TBC1D15: variants seen among roughly 807,000 people sequenced by gnomAD.
The protein encoded by TBC1D15 is GAP for RAB7.
TBC1D15 carries 39 observed loss-of-function variants against 95.4 expected under a neutral mutation model. That is an observed-to-expected ratio of 0.41 (90% CI 0.32 to 0.53). The LOEUF (loss-of-function observed/expected upper bound fraction) is 0.53, where lower values mean the gene tolerates loss of function less well. TBC1D15 is among the 20% of genes least tolerant of loss of function. TBC1D15 has a pLI of 0.29. For missense variants in TBC1D15, 733 were observed against 794.3 expected, an observed-to-expected ratio of 0.92 and a Z score of 0.93; for synonymous variants, 258 against 261.3, an observed-to-expected ratio of 0.99 and a Z score of 0.12.
intron 11 of TBC1D15, chr12:71,907,882 A>G (rs1240082454): frequency 6.6e-6 from 1 of 152,246 alleles, no homozygotes; most frequent in Non-Finnish European, 1.5e-5. Context: ...GTAAGAACTG[A>G]TGCCGGGGCT....
At chr12:71,886,267 C>T (rs561592327) in intron 5 of TBC1D15, among the ~76,000 whole-genome samples, 124 of 152,264 alleles carry the variant, frequency 8.1e-4, no homozygotes, top group Middle Eastern at 3.4e-3. Flanking sequence ...CTCGTGGGTT[C>T]AGACAGTTCT....
In TBC1D15 at chr12:71,907,066, G is replaced by A. The variant is rs1467601672; in HGVS notation, c.1228G>A (p.Gly410Ser). The change falls in exon 11 of 17, where the codon GGC becomes AGC. Residue 410 changes from glycine (G) to serine (S), a missense_variant. Transcript: ENST00000485960. ...RTDRTNKFYE[G>S]QDNPGLILLH... ...AGATCGAACAAACAAGTTTTATGAA[G>A]GCCAAGATAATCCAGGGTTGATTTT... 1.2e-6 allele frequency: 2 copies of A among 1,612,168 alleles called. No homozygotes were observed. The highest frequency in any genetic ancestry group is 2.2e-5 in the East Asian group (1 of 44,724).
chr12:71,909,363 G>T (rs1358635384), intron 11 of TBC1D15, among the ~76,000 whole-genome samples: 18 of 152,150 alleles, frequency 1.2e-4, no homozygotes, highest in Admixed American at 9.8e-4. Context: ...CATAGGTGAG[G>T]TATAGGTGTA....
intron 5 of TBC1D15, among the ~76,000 whole-genome samples, chr12:71,891,940 G>C (rs1897264352): frequency 6.6e-6 from 1 of 151,986 alleles, no homozygotes; most frequent in Non-Finnish European, 1.5e-5. Context: ...GAAATAATTT[G>C]ACTTAATTTA....
chr12:71,889,114 T>G (rs759389272), intron 5 of TBC1D15, among the ~76,000 whole-genome samples: 1 of 152,132 alleles, frequency 6.6e-6, no homozygotes, highest in Non-Finnish European at 1.5e-5. Flanking sequence ...TTGGAGGAGA[T>G]GTGAGCCTAA....
At chr12:71,889,301 C>T (rs1896818501) in intron 5 of TBC1D15, among the ~76,000 whole-genome samples, 1 of 152,116 alleles carries the variant, frequency 6.6e-6, no homozygotes, top group South Asian at 2.1e-4. Context: ...TAATATCAGC[C>T]ACTGCTTTGT....
chr12:71,874,366 T>A (rs766301228), intron 3 of TBC1D15, among the ~76,000 whole-genome samples: 1 of 152,212 alleles, frequency 6.6e-6, no homozygotes, highest in African/African-American at 2.4e-5. Context: ...TTCATGGGAT[T>A]ATTGGCCATG....
chr12:71,861,671 T>G (rs1890401330), intron 1 of TBC1D15, among the ~76,000 whole-genome samples: 1 of 152,050 alleles, frequency 6.6e-6, no homozygotes, highest in African/African-American at 2.4e-5. Context: ...TAAATTTTTT[T>G]TTTGTCTCAA....
chr12:71,905,498 G>A (rs1009476917), intron 10 of TBC1D15, among the ~76,000 whole-genome samples: 2 of 151,950 alleles, frequency 1.3e-5, no homozygotes, highest in African/African-American at 4.8e-5. Flanking sequence ...GGTAATTTTT[G>A]TATTTTTTGT....
At chr12:71,917,012 C>T (rs1328633183) in intron 12 of TBC1D15, among the ~76,000 whole-genome samples, 3 of 151,982 alleles carry the variant, frequency 2.0e-5, no homozygotes, top group African/African-American at 7.3e-5. Context: ...TAACATAGAT[C>T]ACTTTTTTTT....
At chr12:71,885,595 AG>A (rs146267814) in intron 5 of TBC1D15, among the ~76,000 whole-genome samples, 1 of 152,160 alleles carries the variant, frequency 6.6e-6, no homozygotes, top group Non-Finnish European at 1.5e-5. Flanking sequence ...TGAATAAAAC[AG>A]GGGTGTTCCT....
At chr12:71,912,845 C>T (rs1247037738) in intron 11 of TBC1D15, among the ~76,000 whole-genome samples, 1 of 152,086 alleles carries the variant, frequency 6.6e-6, no homozygotes, top group South Asian at 2.1e-4. Context: ...TGAATGATAA[C>T]GTTTAAGTAA....
At chr12:71,869,421 G>A (rs983472926) in intron 1 of TBC1D15, among the ~76,000 whole-genome samples, 1 of 152,206 alleles carries the variant, frequency 6.6e-6, no homozygotes, top group Non-Finnish European at 1.5e-5. Flanking sequence ...TACTCGGGAG[G>A]CTGAGGCAGG....
chr12:71,846,970 C>T (rs1422898359), intron 1 of TBC1D15, among the ~76,000 whole-genome samples: 1 of 151,830 alleles, frequency 6.6e-6, no homozygotes, highest in Non-Finnish European at 1.5e-5. Context: ...CGTGTTGCTC[C>T]GTCTGCTTAG....
intron 10 of TBC1D15, among the ~76,000 whole-genome samples, chr12:71,900,915 G>A (rs1355665080): frequency 6.6e-6 from 1 of 152,130 alleles, no homozygotes; most frequent in Non-Finnish European, 1.5e-5. Flanking sequence ...GTGTAGTATT[G>A]GAAGCCCTAG....
chr12:71,893,056 C>G (rs1193533883), intron 5 of TBC1D15, among the ~76,000 whole-genome samples, 166 bp from the exon 6 acceptor site: 1 of 148,264 alleles, frequency 6.7e-6, no homozygotes, highest in East Asian at 1.9e-4. Flanking sequence ...AGTTTTGAAG[C>G]TCCTTTAAAA....
chr12:71,920,949 A>T, intron 15 of TBC1D15, 102 bp downstream of exon 15: 1 of 811,262 alleles, frequency 1.2e-6, no homozygotes, highest in Non-Finnish European at 2.0e-6. Flanking sequence ...CTCTTGAGTA[A>T]CTTAAATTGT....
Position 71,903,069 on chromosome 12 carries a change from G to A in TBC1D15, c.1184-3953G>A, listed in dbSNP as rs974272732. On this transcript the variant is annotated intron_variant, in intron 10 of 16. Transcript: ENST00000485960. ...TGGGATTACAGGTGCCCACCACCAC[G>A]GCAGGCTAATTTTAGAATTTTTTTT... is the stretch of plus-strand genomic sequence containing the variant. 5.3e-5 allele frequency among the ~76,000 whole-genome samples: 8 copies of A among 152,122 alleles called. No homozygotes were observed. The South Asian group carries it at 1.0e-3, about 20-fold the overall frequency.
chr12:71,917,277 CTT>C (rs1279788653), intron 12 of TBC1D15, among the ~76,000 whole-genome samples: 4 of 152,016 alleles, frequency 2.6e-5, no homozygotes, highest in African/African-American at 4.8e-5. Flanking sequence ...TAAAGTAATT[CTT>C]TAAAATGAAA....
Sources: gnomAD v4.1 joint callset for allele counts (sites outside exome capture counted in the v4.1 genomes callset) on GRCh38, gnomAD v4.1.1 for gene constraint, MANE v1.5 for transcripts, NCBI Gene and HGNC (gene_info 2026-07-23, HGNC 2026-07-21) for gene names.